The following ARMC2 variants were observed in gnomAD, a reference collection of about 807,000 sequenced individuals.
ARMC2 encodes the protein armadillo repeat-containing protein 2.
A neutral mutation model predicts 90.3 loss-of-function variants in ARMC2; 67 were observed. That is an observed-to-expected ratio of 0.74 (90% CI 0.61 to 0.91). The LOEUF (loss-of-function observed/expected upper bound fraction) is 0.91. Ranked by LOEUF, ARMC2 falls within the 40% of genes least tolerant of loss-of-function variation. The probability of loss-of-function intolerance (pLI) is 0.00; values close to 1 mark genes in which losing one functional copy is unlikely to be tolerated. For missense variants in ARMC2, 920 were observed against 1,030.9 expected, an observed-to-expected ratio of 0.89 and a Z score of 1.47; for synonymous variants, 393 against 393.0, an observed-to-expected ratio of 1.00 and a Z score of 0.00.
At chr6:108,937,842 G>T (rs749104790) in intron 12 of ARMC2, among the ~76,000 whole-genome samples, 13 of 152,126 alleles carry the variant, frequency 8.5e-5, no homozygotes, top group African/African-American at 3.1e-4. Context: ...CTACAGGCGT[G>T]CCACCACACC....
At chr6:108,988,540 TA>T in the ARMC2 span, 1 of 1,606,094 alleles carries the variant, frequency 6.2e-7, no homozygotes, top group Non-Finnish European at 8.5e-7. Flanking sequence ...AATAGGCACA[TA>T]CCTTCTCAGA....
At chr6:108,849,879 CCCTTAGT>C (rs1361664537) in intron 1 of ARMC2, among the ~76,000 whole-genome samples, 2 of 152,210 alleles carry the variant, frequency 1.3e-5, no homozygotes, top group Non-Finnish European at 2.9e-5. Flanking sequence ...AGCATTTAAA[CCCTTAGT>C]CCAGCATCTA....
chr6:109,001,183 T>C, the ARMC2 span: 1 of 923,462 alleles, frequency 1.1e-6, no homozygotes. Flanking sequence ...AATCATATTA[T>C]ATATCATAAT....
the ARMC2 span, among the ~76,000 whole-genome samples, chr6:108,987,806 C>CTTTTT: frequency 0.04 from 5,470 of 135,500 alleles, 372 homozygotes; most frequent in African/African-American, 0.12. Context: ...CAGCAGCTAT[C>CTTTTT]TTTTTTTTTT....
At chr6:108,970,494 C>CTTTTTTTTTTTTTTTT (rs1156823883) in intron 17 of ARMC2, among the ~76,000 whole-genome samples, 6 of 117,340 alleles carry the variant, frequency 5.1e-5, no homozygotes, top group African/African-American at 8.9e-5. Flanking sequence ...CTTCTCTTTT[C>CTTTTTTTTTTTTTTTT]TTTTTTTTTT....
At chr6:108,964,421 T>A in intron 16 of ARMC2, 109 bp downstream of exon 16, 1 of 1,303,176 alleles carries the variant, frequency 7.7e-7, no homozygotes, top group East Asian at 2.4e-5. Context: ...ATTTCAACAT[T>A]GGGAAGCCCC....
chr6:108,905,943 G>T (rs1772641068), intron 8 of ARMC2, among the ~76,000 whole-genome samples: 1 of 152,132 alleles, frequency 6.6e-6, no homozygotes, highest in African/African-American at 2.4e-5. Flanking sequence ...TTCCAGACAA[G>T]ATCTTGTTTA....
At chr6:108,902,502 C>T (rs778878473) in intron 7 of ARMC2, among the ~76,000 whole-genome samples, 13 of 152,180 alleles carry the variant, frequency 8.5e-5, no homozygotes, top group South Asian at 2.1e-4. Flanking sequence ...AACAACAAAA[C>T]ACAAGTGTTT....
At chr6:108,933,689 C>G (rs902668280) in intron 11 of ARMC2, among the ~76,000 whole-genome samples, 3 of 152,126 alleles carry the variant, frequency 2.0e-5, no homozygotes, top group Non-Finnish European at 4.4e-5. Flanking sequence ...CTGGCTAGGA[C>G]TTCCAATACT....
At chr6:109,038,531 C>G in the ARMC2 span, among the ~76,000 whole-genome samples, 10 of 152,142 alleles carry the variant, frequency 6.6e-5, no homozygotes, top group South Asian at 4.1e-4. Flanking sequence ...TCTTTAGCAC[C>G]TGAATTACCT....
rs565960070 is a variant in ARMC2 at position 108,952,075 on chromosome 6, C to T, written c.1597-958C>T. Among the ~76,000 whole-genome samples, 9 of 152,298 alleles carry T rather than the reference C, an allele frequency of 5.9e-5. No homozygotes were observed. The South Asian group carries it at 1.9e-3, about 32-fold the overall frequency. On this transcript the variant is annotated intron_variant, in intron 12 of 17. Transcript: ENST00000392644. The stretch of plus-strand genomic sequence containing the variant: ...TTCTTGTCTATAAAATGGCATAGTG[C>T]CTGGCACTGTATATATAGATATAGA...
chr6:108,853,763 G>A (rs1177197592), intron 1 of ARMC2, among the ~76,000 whole-genome samples: 1 of 152,176 alleles, frequency 6.6e-6, no homozygotes, highest in Non-Finnish European at 1.5e-5. Flanking sequence ...ATGTGGGGCT[G>A]AACTATTCTC....
At chr6:108,900,693 T>A (rs1772047568) in intron 7 of ARMC2, among the ~76,000 whole-genome samples, 1 of 152,182 alleles carries the variant, frequency 6.6e-6, no homozygotes, top group Non-Finnish European at 1.5e-5. Flanking sequence ...CTTGGCTGTG[T>A]TCATGGTTAA....
chr6:108,867,600 C>T (rs1196632113), intron 3 of ARMC2, among the ~76,000 whole-genome samples: 2 of 151,934 alleles, frequency 1.3e-5, no homozygotes, highest in Non-Finnish European at 2.9e-5. Context: ...AACCCTGTCT[C>T]TACTAAATAC....
At chr6:108,966,699 A>G (rs1312631250) in intron 17 of ARMC2, among the ~76,000 whole-genome samples, 1 of 152,102 alleles carries the variant, frequency 6.6e-6, no homozygotes, top group Admixed American at 6.5e-5. Context: ...TGCAGGGAGC[A>G]GAAGTGCATG....
intron 1 of ARMC2, among the ~76,000 whole-genome samples, chr6:108,853,110 A>G (rs929589729): frequency 1.3e-5 from 2 of 152,168 alleles, no homozygotes; most frequent in Non-Finnish European, 2.9e-5. Flanking sequence ...TTCCTAAAAT[A>G]GTATTGCTTA....
At chr6:108,859,525 T>C (rs1164279247) in intron 3 of ARMC2, among the ~76,000 whole-genome samples, 1 of 152,200 alleles carries the variant, frequency 6.6e-6, no homozygotes, top group Non-Finnish European at 1.5e-5. Context: ...TGTTCTGAAA[T>C]TTAATAACAA....
At chr6:108,862,226 C>G (rs931437352) in intron 3 of ARMC2, among the ~76,000 whole-genome samples, 1 of 151,726 alleles carries the variant, frequency 6.6e-6, no homozygotes, top group Non-Finnish European at 1.5e-5. Flanking sequence ...TGCCTCTAAC[C>G]CCAGCTACTC....
Position 108,893,790 on chromosome 6 carries a change from G to A in ARMC2, c.672-677G>A, listed in dbSNP as rs189735874. ...CCAGCACTTTGGGAGGCTGAGGCGG[G>A]CAGATCGCCTGAGGTCAGGAGTTTG... is the stretch of plus-strand genomic sequence containing the variant. On this transcript the variant is annotated intron_variant, in intron 5 of 17. Coordinates refer to ENST00000392644, the MANE Select transcript of ARMC2 (RefSeq NM_032131.6). Among the ~76,000 whole-genome samples, 11 of 152,354 alleles carry A rather than the reference G, an allele frequency of 7.2e-5. No homozygotes were observed. In the East Asian group the frequency reaches 2.1e-3, roughly 29 times the overall value.
Sources: allele counts gnomAD v4.1 joint callset (sites outside exome capture counted in the v4.1 genomes callset), GRCh38; gene constraint gnomAD v4.1.1; transcripts MANE v1.5; gene names NCBI Gene and HGNC (gene_info 2026-07-23, HGNC 2026-07-21).